The following VIPR2 variants were observed in gnomAD, a reference collection of about 807,000 sequenced individuals.
VIPR2 encodes vasoactive intestinal polypeptide receptor 2.
Under a neutral mutation model 58.0 loss-of-function variants are expected in VIPR2, and 48 were observed. The ratio of observed to expected loss-of-function variants is 0.83; its 90% confidence interval spans 0.66 to 1.05. VIPR2 has a LOEUF of 1.05. VIPR2 is among the 50% of genes least tolerant of loss of function. VIPR2 has a pLI of 0.00. For missense variants in VIPR2, 534 were observed against 558.0 expected, an observed-to-expected ratio of 0.96 and a Z score of 0.43; for synonymous variants, 243 against 235.2, an observed-to-expected ratio of 1.03 and a Z score of -0.30.
At chr7:159,070,976 G>C (rs1856359348) in intron 4 of VIPR2, among the ~76,000 whole-genome samples, 1 of 152,192 alleles carries the variant, frequency 6.6e-6, no homozygotes, top group South Asian at 2.1e-4. Flanking sequence ...CCACAGACTG[G>C]CTGACTGTGG....
At chr7:159,091,588 G>A (rs1229280036) in intron 4 of VIPR2, among the ~76,000 whole-genome samples, 2 of 152,340 alleles carry the variant, frequency 1.3e-5, no homozygotes, top group East Asian at 1.9e-4. Flanking sequence ...GGAAAGCCCC[G>A]CCCTGCACGT....
intron 3 of VIPR2, among the ~76,000 whole-genome samples, chr7:159,104,176 A>G (rs1858479884): frequency 6.6e-6 from 1 of 152,190 alleles, no homozygotes; most frequent in African/African-American, 2.4e-5. Flanking sequence ...TGCCACCATA[A>G]GTGATATTTA....
At chr7:159,112,267 G>A (rs1314027181) in intron 2 of VIPR2, among the ~76,000 whole-genome samples, 1 of 152,214 alleles carries the variant, frequency 6.6e-6, no homozygotes, top group East Asian at 1.9e-4. Context: ...GCACGTGAGG[G>A]AGCAGAGCTA....
At chr7:159,126,154 C>T (rs938205988) in intron 2 of VIPR2, among the ~76,000 whole-genome samples, 2 of 152,206 alleles carry the variant, frequency 1.3e-5, no homozygotes, top group African/African-American at 4.8e-5. Flanking sequence ...CACTGCCAGA[C>T]TCCTGAAATC....
intron 4 of VIPR2, among the ~76,000 whole-genome samples, chr7:159,059,606 C>T (rs930520807): frequency 1.4e-4 from 21 of 152,278 alleles, no homozygotes; most frequent in Middle Eastern, 3.4e-3. Flanking sequence ...TTGGGAACCT[C>T]GGCCCTGCTT....
At chr7:159,103,322 T>A (rs942184181) in intron 4 of VIPR2, among the ~76,000 whole-genome samples, 1 of 152,012 alleles carries the variant, frequency 6.6e-6, no homozygotes, top group African/African-American at 2.4e-5. Context: ...TGTGATCACA[T>A]CTCCTGCTGC....
intron 3 of VIPR2, among the ~76,000 whole-genome samples, chr7:159,106,186 C>A (rs911173002): frequency 1.3e-5 from 2 of 152,266 alleles, no homozygotes. Context: ...GAGGTGCAGC[C>A]TTTTCTCCTT....
intron 4 of VIPR2, among the ~76,000 whole-genome samples, chr7:159,094,065 TAAGAGGCCCC>T (rs976047686): frequency 1.3e-5 from 2 of 152,098 alleles, no homozygotes; most frequent in Non-Finnish European, 2.9e-5. Context: ...CCAAATCATT[TAAGAGGCCCC>T]AAGAGGAGAG....
At chr7:159,107,885 T>C (rs1261453616) in intron 3 of VIPR2, among the ~76,000 whole-genome samples, 1 of 151,790 alleles carries the variant, frequency 6.6e-6, no homozygotes, top group East Asian at 2.0e-4. Context: ...CGGACACACG[T>C]GATGATGCCC....
chr7:159,056,846 CAGA>C lies in VIPR2; in HGVS notation c.455+1632_455+1634del, dbSNP rs551398184. ...AAGTGGCACTGGACCCTGCTTCTGA[CAGA>C]AGGACGTGGGATGAGCCCCAAGCCT... On this transcript the variant is annotated intron_variant, in intron 5 of 12. Transcript: ENST00000262178. Among the ~76,000 whole-genome samples, 27 of 152,290 alleles carry C rather than the reference CAGA, an allele frequency of 1.8e-4. No homozygotes were observed. The East Asian group carries it at 4.8e-3, about 27-fold the overall frequency.
At chr7:159,090,862 A>C (rs1334364077) in intron 4 of VIPR2, among the ~76,000 whole-genome samples, 6 of 97,126 alleles carry the variant, frequency 6.2e-5, no homozygotes, top group African/African-American at 1.6e-4. Context: ...ATCCCCGGTG[A>C]CCTCAGCAGA....
chr7:159,129,855 A>T, intron 2 of VIPR2, among the ~76,000 whole-genome samples: 1 of 90,136 alleles, frequency 1.1e-5, no homozygotes, highest in Non-Finnish European at 2.0e-5. Flanking sequence ...GGACAGGGTC[A>T]GGTGACCAGC....
At chr7:159,040,615 A>G (rs1299792742) in intron 6 of VIPR2, among the ~76,000 whole-genome samples, 1 of 152,236 alleles carries the variant, frequency 6.6e-6, no homozygotes, top group African/African-American at 2.4e-5. Flanking sequence ...CATGAGAAAA[A>G]GACCCTGCAC....
intron 4 of VIPR2, among the ~76,000 whole-genome samples, chr7:159,073,583 A>G (rs1856506708): frequency 6.6e-6 from 1 of 152,048 alleles, no homozygotes; most frequent in Non-Finnish European, 1.5e-5. Flanking sequence ...CCACCTGGCT[A>G]ATTTTTGTAG....
chr7:159,031,891 A>G lies in VIPR2; in HGVS notation c.1102-22T>C. ...GGCCCTGCAATGAGAAGAGATGGTC[A>G]GGCAGGACCCGCGCTCGGGGGAGGG... On this transcript the variant is annotated intron_variant, in intron 11 of 12. Coordinates refer to ENST00000262178, the MANE Select transcript of VIPR2 (RefSeq NM_003382.5). The surrounding 1 kb of genome is among the most constrained non-coding windows in gnomAD (Gnocchi z 4.0). 1 of 1,614,142 alleles carries G rather than the reference A, an allele frequency of 6.2e-7. No individual in the cohort carries two copies.
chr7:159,090,705 G>A, intron 4 of VIPR2, among the ~76,000 whole-genome samples: 1 of 123,570 alleles, frequency 8.1e-6, no homozygotes, highest in African/African-American at 3.5e-5. Flanking sequence ...GCCACCTCTT[G>A]TGACTATCAC....
At chr7:159,141,326 A>C (rs528856082) in intron 2 of VIPR2, among the ~76,000 whole-genome samples, 1 of 152,400 alleles carries the variant, frequency 6.6e-6, no homozygotes, top group South Asian at 2.1e-4. Context: ...GCGGAATCGC[A>C]GATCTTTACA....
chr7:159,128,315 C>A lies in VIPR2; in HGVS notation c.151+14131G>T, dbSNP rs1318908105. On this transcript the variant is annotated intron_variant, in intron 2 of 12. Coordinates refer to ENST00000262178, the MANE Select transcript of VIPR2 (RefSeq NM_003382.5). The surrounding 1 kb of genome is among the most constrained non-coding windows in gnomAD (Gnocchi z 4.1). ...ATCTCACAGCCCCATCCTCCTCCAA[C>A]CCCTGACCACCCTGGAGCAGTTCTG... Among the ~76,000 whole-genome samples the A allele has an allele frequency of 6.6e-6, 1 of 152,176 alleles. No individual in the cohort carries two copies. Among genetic ancestry groups the A allele is most frequent in the Non-Finnish European group, 1.5e-5 (1 of 68,022 alleles).
At position 159,036,656 on chromosome 7, in the gene VIPR2, G is replaced by A. The variant is rs151055829; in HGVS notation, c.748+96C>T. 4.9e-4 allele frequency: 700 copies of A among 1,438,692 alleles called. 5 individuals are homozygous for A. The East Asian group carries it at 0.013, about 26-fold the overall frequency. The allele number at this position is 1,438,692 out of a possible 1,614,324, so 89.1% of individuals were successfully genotyped here. A position where few individuals can be genotyped will look rare whatever the true frequency, so the allele number is the denominator to read the frequency against. ...GATATGACCCTGACATGCATTCTAC[G>A]GGGGCGGCAAAGTGTTTTCTGAGCT... On this transcript the variant is annotated intron_variant, in intron 7 of 12. Transcript: ENST00000262178.
Sources: gnomAD v4.1 joint callset for allele counts (sites outside exome capture counted in the v4.1 genomes callset) on GRCh38, gnomAD v4.1.1 for gene constraint, Gnocchi (gnomAD v3.1) non-coding constraint, MANE v1.5 for transcripts, NCBI Gene and HGNC (gene_info 2026-07-23, HGNC 2026-07-21) for gene names.